Variants in SH3BGRL observed in about 807,000 individuals in gnomAD.
SH3BGRL encodes the protein SH3 domain binding glutamate rich protein like.
A neutral mutation model predicts 9.8 loss-of-function variants in SH3BGRL; 7 were observed. The ratio of observed to expected loss-of-function variants is 0.72; its 90% CI spans 0.41 to 1.35. The LOEUF is 1.35. SH3BGRL is among the 40% of genes most tolerant of loss of function. SH3BGRL has a pLI of 0.01. For missense variants in SH3BGRL, 73 were observed against 84.4 expected (o/e 0.86, Z 0.53); for synonymous variants, 36 against 29.1 (o/e 1.24, Z -0.76).
intron 3 of SH3BGRL, among the ~76,000 whole-genome samples, chrX:81,281,278 G>T (rs1044262565): frequency 2.7e-5 from 3 of 111,150 alleles, no homozygotes; most frequent in Non-Finnish European, 5.7e-5. Flanking sequence ...AAACTTCCCT[G>T]GCCTAGCTAG....
intron 3 of SH3BGRL, among the ~76,000 whole-genome samples, chrX:81,284,346 C>T (rs945411853): frequency 1.8e-5 from 2 of 109,174 alleles, no homozygotes; most frequent in Admixed American, 9.8e-5. Flanking sequence ...TTGAGAGGGC[C>T]TAAAATGGGA....
chrX:81,209,937 G>A (rs1261352204), intron 1 of SH3BGRL, among the ~76,000 whole-genome samples: 1 of 111,885 alleles, frequency 8.9e-6, no homozygotes, highest in African/African-American at 3.3e-5. Context: ...TCTCTTGCAT[G>A]TTATGTGGCT....
chrX:81,202,470 G>A (rs2075531842), intron 1 of SH3BGRL: 4 of 989,190 alleles, frequency 4.0e-6, no homozygotes, highest in Non-Finnish European at 5.1e-6. Flanking sequence ...ACGTTGGGGG[G>A]CACATTTCTG....
chrX:81,216,402 T>C (rs2075581516), intron 1 of SH3BGRL, among the ~76,000 whole-genome samples: 1 of 111,502 alleles, frequency 9.0e-6, no homozygotes, highest in Non-Finnish European at 1.9e-5. Context: ...AAATAGGGAA[T>C]CCATGAACCC....
intron 1 of SH3BGRL, among the ~76,000 whole-genome samples, chrX:81,241,587 C>T (rs2075669884): frequency 8.9e-6 from 1 of 112,019 alleles, no homozygotes; most frequent in Non-Finnish European, 1.9e-5. Context: ...GAGCTACCCA[C>T]TTTTGGTCTC....
At chrX:81,225,601 G>A (rs1341104430) in intron 1 of SH3BGRL, among the ~76,000 whole-genome samples, 2 of 111,308 alleles carry the variant, frequency 1.8e-5, no homozygotes, top group African/African-American at 6.5e-5. Context: ...CTTTTTTGTG[G>A]CTAAGTAGTA....
chrX:81,222,270 C>T (rs1341483482), intron 1 of SH3BGRL, among the ~76,000 whole-genome samples: 1 of 108,755 alleles, frequency 9.2e-6, no homozygotes, highest in African/African-American at 3.3e-5. Context: ...GTGCTGCACC[C>T]ATTAACTCGT....
chrX:81,217,195 T>A, intron 1 of SH3BGRL, among the ~76,000 whole-genome samples: 1 of 111,238 alleles, frequency 9.0e-6, no homozygotes, highest in South Asian at 3.8e-4. Flanking sequence ...AATGGTCAAT[T>A]AATTTTGTTT....
At chrX:81,231,615 C>A (rs985133505) in intron 1 of SH3BGRL, among the ~76,000 whole-genome samples, 1 of 111,910 alleles carries the variant, frequency 8.9e-6, no homozygotes, top group African/African-American at 3.2e-5. Flanking sequence ...AGGAGGGTTC[C>A]TAACTCTTAC....
At chrX:81,241,281 C>CA (rs2075668283) in intron 1 of SH3BGRL, among the ~76,000 whole-genome samples, 1 of 112,236 alleles carries the variant, frequency 8.9e-6, no homozygotes, top group South Asian at 3.7e-4. Flanking sequence ...GCATGCACCC[C>CA]TTGGCACAAA....
chrX:81,286,607 A>G (rs2075835297), intron 3 of SH3BGRL, among the ~76,000 whole-genome samples: 1 of 107,989 alleles, frequency 9.3e-6, no homozygotes, highest in Non-Finnish European at 1.9e-5. Context: ...ATCTCATTTT[A>G]TCTTTCCACC....
chrX:81,202,495 G>C (rs1274730167), intron 1 of SH3BGRL: 2 of 977,249 alleles, frequency 2.0e-6, no homozygotes, highest in African/African-American at 4.1e-5. Context: ...GAAGGAAAAC[G>C]AAAGCTACCA....
chrX:81,211,617 G>A (rs1297820759), intron 1 of SH3BGRL, among the ~76,000 whole-genome samples: 2 of 111,001 alleles, frequency 1.8e-5, no homozygotes, highest in African/African-American at 6.6e-5. Context: ...AGTTGGGGAA[G>A]GCAGATCCAC....
intron 1 of SH3BGRL, among the ~76,000 whole-genome samples, chrX:81,266,226 G>A (rs1327692137): frequency 2.7e-5 from 3 of 111,464 alleles, no homozygotes; most frequent in African/African-American, 9.8e-5. Context: ...ATCAATTCTG[G>A]CTTTTGTTGC....
Position 81,286,741 on chromosome X carries a change from C to T in SH3BGRL, c.312+8330C>T, listed in dbSNP as rs749697942. On this transcript the variant is annotated intron_variant, in intron 3 of 3. Transcript: ENST00000373212. ...TAGCCCAGGATTATCTGATTTAAAA[C>T]CAGTGCCTTTATGGAATGATGTTTA... Among the ~76,000 whole-genome samples, 11 of 110,713 alleles carry T rather than the reference C, an allele frequency of 9.9e-5. No homozygotes were observed. In the South Asian group the frequency reaches 4.2e-3, roughly 42 times the overall value.
chrX:81,266,357 T>G (rs2075757064), intron 1 of SH3BGRL, among the ~76,000 whole-genome samples: 1 of 111,954 alleles, frequency 8.9e-6, no homozygotes. Flanking sequence ...CTTTGATCCA[T>G]CTTGAGTTGA....
intron 1 of SH3BGRL, among the ~76,000 whole-genome samples, chrX:81,266,292 G>C (rs760724348): frequency 2.7e-5 from 3 of 111,554 alleles, no homozygotes; most frequent in Admixed American, 1.9e-4. Flanking sequence ...GTCCTGAATG[G>C]TATTGCCCAG....
At chrX:81,210,595 A>G (rs1300122202) in intron 1 of SH3BGRL, among the ~76,000 whole-genome samples, 1 of 111,305 alleles carries the variant, frequency 9.0e-6, no homozygotes, top group Non-Finnish European at 1.9e-5. Context: ...TTTTAAGAAG[A>G]GAGGCTCAGA....
intron 3 of SH3BGRL, among the ~76,000 whole-genome samples, chrX:81,288,286 C>G (rs1237735570): frequency 8.9e-6 from 1 of 111,880 alleles, no homozygotes; most frequent in Non-Finnish European, 1.9e-5. Context: ...AAGGAACATA[C>G]TTCAACACAA....
Sources: gnomAD v4.1 joint callset for allele counts (sites outside exome capture counted in the v4.1 genomes callset) on GRCh38, gnomAD v4.1.1 for gene constraint, MANE v1.5 for transcripts, NCBI Gene and HGNC (gene_info 2026-07-23, HGNC 2026-07-21) for gene names.